Variants in TSNARE1 observed in about 807,000 individuals in gnomAD.
TSNARE1 encodes the protein t-SNARE domain containing 1, also known as t-SNARE domain-containing protein 1.
TSNARE1 carries 49 observed loss-of-function variants against 62.0 expected under a neutral mutation model. The observed-to-expected ratio is 0.79, with a 90% CI of 0.63 to 1.00. TSNARE1 has a LOEUF of 1.00. Among genes scored for constraint, TSNARE1 ranks in the 50% least tolerant of loss-of-function variants. The pLI is 0.00. For synonymous variants in TSNARE1, 328 were observed against 294.4 expected (o/e 1.11, Z -1.17); for missense variants, 755 against 700.1 (o/e 1.08, Z -0.88).
intron 2 of TSNARE1, among the ~76,000 whole-genome samples, chr8:142,351,794 A>T (rs1294425161): frequency 1.3e-5 from 2 of 152,366 alleles, no homozygotes; most frequent in East Asian, 3.9e-4. Context: ...TTTATCACAG[A>T]GCTGTCACTG....
At chr8:142,288,369 G>A (rs1235706984) in intron 10 of TSNARE1, among the ~76,000 whole-genome samples, 1 of 152,244 alleles carries the variant, frequency 6.6e-6, no homozygotes, top group Non-Finnish European at 1.5e-5. Context: ...GGGACACGGT[G>A]TTCCCAAGAC....
chr8:142,346,053 C>G (rs1372320874), intron 2 of TSNARE1, among the ~76,000 whole-genome samples, 161 bp from the exon 3 acceptor site: 1 of 152,216 alleles, frequency 6.6e-6, no homozygotes, highest in Non-Finnish European at 1.5e-5. Flanking sequence ...TCTGGATCAT[C>G]CCCCTTCTGC....
chr8:142,347,263 C>T (rs957370998), intron 2 of TSNARE1, among the ~76,000 whole-genome samples: 6 of 152,234 alleles, frequency 3.9e-5, no homozygotes, highest in Non-Finnish European at 8.8e-5. Context: ...AGGGAGCAGC[C>T]GCAGCCTGGA....
intron 9 of TSNARE1, among the ~76,000 whole-genome samples, chr8:142,303,991 C>T (rs1826223369): frequency 6.6e-6 from 1 of 152,248 alleles, no homozygotes; most frequent in African/African-American, 2.4e-5. Flanking sequence ...TTGCCCAGGT[C>T]CTGCAGGTGG....
intron 9 of TSNARE1, among the ~76,000 whole-genome samples, chr8:142,308,817 C>G (rs188108744): frequency 2.0e-5 from 3 of 152,214 alleles, no homozygotes; most frequent in Admixed American, 2.0e-4. Flanking sequence ...CTGCTGGAAC[C>G]TTATTGGGAT....
intron 1 of TSNARE1, among the ~76,000 whole-genome samples, chr8:142,356,610 G>A (rs1418158474): frequency 1.3e-5 from 2 of 152,222 alleles, no homozygotes; most frequent in East Asian, 3.8e-4. Context: ...ACACTATCCA[G>A]AGAGAAAACT....
intron 9 of TSNARE1, among the ~76,000 whole-genome samples, chr8:142,304,474 C>T (rs1197476080): frequency 2.6e-5 from 4 of 152,240 alleles, no homozygotes; most frequent in Non-Finnish European, 4.4e-5. Flanking sequence ...CCTCAAGCTC[C>T]ACCCACACGG....
At chr8:142,328,695 C>T (rs1213538475) in intron 6 of TSNARE1, among the ~76,000 whole-genome samples, 2 of 152,268 alleles carry the variant, frequency 1.3e-5, no homozygotes, top group East Asian at 3.9e-4. Flanking sequence ...GTGACGGCCC[C>T]CAGGGTGGAA....
chr8:142,289,157 C>T (rs947365458), intron 10 of TSNARE1, among the ~76,000 whole-genome samples: 7 of 152,218 alleles, frequency 4.6e-5, no homozygotes, highest in Admixed American at 1.3e-4. Flanking sequence ...CCTGCCGAGG[C>T]GCTCACTGAT....
At chr8:142,250,311 C>A (rs944050629) in intron 12 of TSNARE1, among the ~76,000 whole-genome samples, 5 of 152,124 alleles carry the variant, frequency 3.3e-5, no homozygotes, top group Admixed American at 2.0e-4. Context: ...AAATGGCGCT[C>A]TAATGAGGCC....
At chr8:142,317,884 G>A (rs1828829296) in intron 7 of TSNARE1, among the ~76,000 whole-genome samples, 1 of 152,194 alleles carries the variant, frequency 6.6e-6, no homozygotes, top group African/African-American at 2.4e-5. Flanking sequence ...CTTGAACCCT[G>A]GGGGCAGAAG....
chr8:142,291,472 C>T lies in TSNARE1; in HGVS notation c.1291-6987G>A, dbSNP rs542910947. Among the ~76,000 whole-genome samples, 6 of 152,250 alleles carry T rather than the reference C, an allele frequency of 3.9e-5. No individual in the cohort carries two copies. In the South Asian group the frequency reaches 1.0e-3, roughly 26 times the overall value. On this transcript the variant is annotated intron_variant, in intron 10 of 13. Transcript: ENST00000524325. The surrounding 1 kb of genome is among the most constrained non-coding windows in gnomAD (Gnocchi z 4.8). The stretch of plus-strand genomic sequence containing the variant: ...AGGGCCTTGTCGTTAAACACAGAGC[C>T]TCCATGGAGTCCCAGGATAGAAACA...
In TSNARE1 at chr8:142,256,369, A is replaced by AT. The variant is rs1563782819; in HGVS notation, c.1446+18411dup. 5.6e-4 allele frequency among the ~76,000 whole-genome samples: 79 copies of AT among 141,290 alleles called. 1 individual carries two copies. Among genetic ancestry groups the AT allele is most frequent in the Non-Finnish European group, 6.4e-4 (41 of 64,244 alleles). The allele number at this position is 141,290 out of a possible 152,430, so 92.7% of individuals were successfully genotyped here. A position where few individuals can be genotyped will look rare whatever the true frequency, so the allele number is the denominator to read the frequency against. On this transcript the variant is annotated intron_variant, in intron 12 of 13. Coordinates refer to ENST00000524325, the MANE Select transcript of TSNARE1 (RefSeq NM_145003.5). Reference sequence around the variant, plus strand: ...CATCACCATCATTATCACCACCATCATCACCACCATCATCATCACCAATAC... The same window carrying AT: ...CATCACCATCATTATCACCACCATCATTCACCACCATCATCATCACCAATAC...
At chr8:142,301,067 C>T (rs1362290464) in intron 9 of TSNARE1, among the ~76,000 whole-genome samples, 1 of 151,576 alleles carries the variant, frequency 6.6e-6, no homozygotes, top group Non-Finnish European at 1.5e-5. Context: ...CCTCCCCTCC[C>T]GTCAGGAGCC....
chr8:142,342,070 G>A (rs975476913), intron 4 of TSNARE1, among the ~76,000 whole-genome samples: 20 of 152,346 alleles, frequency 1.3e-4, no homozygotes, highest in African/African-American at 4.3e-4. Flanking sequence ...CCCTGTCCTC[G>A]GACACAGCAA....
At chr8:142,397,859 A>T (rs994546319) in intron 1 of TSNARE1, among the ~76,000 whole-genome samples, 1 of 152,182 alleles carries the variant, frequency 6.6e-6, no homozygotes. Context: ...GTGCCAAGGC[A>T]TGGAGCCTGG....
intron 6 of TSNARE1, among the ~76,000 whole-genome samples, chr8:142,327,772 T>C (rs1405514882): frequency 2.0e-5 from 3 of 152,174 alleles, no homozygotes; most frequent in South Asian, 2.1e-4. Context: ...ACAATCGTCA[T>C]CCAAGGCTCC....
chr8:142,248,882 G>C (rs1197454051), intron 12 of TSNARE1, among the ~76,000 whole-genome samples: 1 of 152,220 alleles, frequency 6.6e-6, no homozygotes. Flanking sequence ...GGGCAGCTGA[G>C]GGCCTCGCTC....
chr8:142,384,098 G>C (rs1364043949), intron 1 of TSNARE1, among the ~76,000 whole-genome samples: 2 of 152,148 alleles, frequency 1.3e-5, no homozygotes, highest in Non-Finnish European at 2.9e-5. Context: ...ACCAGCAACA[G>C]AACCGGGTGA....
Sources: gnomAD v4.1 joint callset for allele counts (sites outside exome capture counted in the v4.1 genomes callset) on GRCh38, gnomAD v4.1.1 for gene constraint, Gnocchi (gnomAD v3.1) non-coding constraint, MANE v1.5 for transcripts, NCBI Gene and HGNC (gene_info 2026-07-23, HGNC 2026-07-21) for gene names.